Variants in KCNQ1 observed in about 807,000 individuals in gnomAD.
KCNQ1 encodes the protein potassium voltage-gated channel subfamily Q member 1.
KCNQ1 carries 49 observed loss-of-function variants against 72.4 expected under a neutral mutation model. That is an observed-to-expected ratio of 0.68 (90% CI 0.54 to 0.86). KCNQ1 has a LOEUF of 0.86. KCNQ1 is among the 40% of genes least tolerant of loss of function. KCNQ1 has a pLI of 0.00. For synonymous variants in KCNQ1, 450 were observed against 412.6 expected, an observed-to-expected ratio of 1.09 and a Z score of -1.10; for missense variants, 790 against 945.1, an observed-to-expected ratio of 0.84 and a Z score of 2.15.
At chr11:2,755,931 A>G (rs1212607705) in intron 11 of KCNQ1, among the ~76,000 whole-genome samples, 1 of 152,244 alleles carries the variant, frequency 6.6e-6, no homozygotes, top group Non-Finnish European at 1.5e-5. Context: ...TCTGCCCTTC[A>G]TGGTCGAGGA....
At chr11:2,699,203 G>A (rs919993194) in intron 11 of KCNQ1, 20 of 398,678 alleles carry the variant, frequency 5.0e-5, no homozygotes, top group African/African-American at 3.3e-4. Context: ...CTTGGGACGC[G>A]GCCAGGAACT....
intron 11 of KCNQ1, chr11:2,667,544 T>C (rs7120573): frequency 7.0e-5 from 27 of 387,510 alleles, no homozygotes; most frequent in African/African-American, 4.9e-4. Flanking sequence ...GCACTGATAT[T>C]GTCATGGAGA....
Position 2,567,644 on chromosome 11 carries a change from C to T in KCNQ1, c.478-2984C>T, listed in dbSNP as rs949680453. 6.6e-6 allele frequency among the ~76,000 whole-genome samples: 1 copy of T among 152,222 alleles called. No individual in the cohort carries two copies. The highest frequency in any genetic ancestry group is 1.5e-5 in the Non-Finnish European group (1 of 68,030). On this transcript the variant is annotated intron_variant, in intron 2 of 15. Transcript: ENST00000155840. This position sits in a 1 kb window ranked among gnomAD's most constrained non-coding sequence, Gnocchi z 6.6. Reference sequence around the variant, plus strand: ...CCTTGGCTCTTTCCTGGCCTGCTAGCAGCACCAGCCTAATTAACCTGACAA... The same window carrying T: ...CCTTGGCTCTTTCCTGGCCTGCTAGTAGCACCAGCCTAATTAACCTGACAA...
chr11:2,840,722 ATG>A lies in KCNQ1; in HGVS notation c.1795-7040_1795-7039del, dbSNP rs368705714. Among the ~76,000 whole-genome samples the A allele has an allele frequency of 5.0e-3, 760 of 152,290 alleles. 3 individuals are homozygous for A. The highest frequency in any genetic ancestry group is 0.017 in the African/African-American group (721 of 41,564). On this transcript the variant is annotated intron_variant, in intron 15 of 15. Transcript: ENST00000155840. ...GACAAATAGCACACTAGGGAAAAACATGTGTGATGTGTACTTGACATCTTTCT... is the reference window on the plus strand; with the variant it reads ...GACAAATAGCACACTAGGGAAAAACATGTGATGTGTACTTGACATCTTTCT...
At chr11:2,573,101 C>T in intron 6 of KCNQ1, 115 bp downstream of exon 6, 3 of 1,263,570 alleles carry the variant, frequency 2.4e-6, no homozygotes, top group Non-Finnish European at 3.3e-6. Flanking sequence ...TTCTCACCTG[C>T]ACGCTCACAG....
intron 15 of KCNQ1, among the ~76,000 whole-genome samples, chr11:2,814,280 GGGATGGATGGATGGAT>G (rs375570048): frequency 2.3e-4 from 32 of 138,344 alleles, no homozygotes; most frequent in African/African-American, 9.1e-4. Context: ...GATGGATGGT[GGGATGGATGGATGGAT>G]GGATGGATAG....
chr11:2,709,213 C>T (rs1163249799), intron 11 of KCNQ1, among the ~76,000 whole-genome samples: 1 of 136,122 alleles, frequency 7.3e-6, no homozygotes, highest in Admixed American at 7.9e-5. Context: ...TCCTGCACGG[C>T]TTCCAGGCCC....
At chr11:2,796,769 G>T (rs902411343) in intron 15 of KCNQ1, among the ~76,000 whole-genome samples, 1 of 152,214 alleles carries the variant, frequency 6.6e-6, no homozygotes, top group African/African-American at 2.4e-5. Context: ...GGCGGCAGCG[G>T]CTCTCGGCCT....
At position 2,565,404 on chromosome 11, in the gene KCNQ1, C is replaced by T. The variant is rs976974553; in HGVS notation, c.478-5224C>T. On this transcript the variant is annotated intron_variant, in intron 2 of 15. Coordinates refer to ENST00000155840, the MANE Select transcript of KCNQ1 (RefSeq NM_000218.3). This position sits in a 1 kb window ranked among gnomAD's most constrained non-coding sequence, Gnocchi z 5.6. ...GGGCACCTCTCCGTGTGCCTCTTGG[C>T]CATCTGTGTATCTTCTTCACAGAAA... Among the ~76,000 whole-genome samples, 9 of 152,152 alleles carry T rather than the reference C, an allele frequency of 5.9e-5. No individual in the cohort carries two copies. The highest frequency in any genetic ancestry group is 2.2e-4 in the African/African-American group (9 of 41,436).
chr11:2,780,660 G>T (rs1846807436), intron 15 of KCNQ1, among the ~76,000 whole-genome samples: 2 of 152,222 alleles, frequency 1.3e-5, no homozygotes, highest in Admixed American at 1.3e-4. Context: ...AGGTCTCCGG[G>T]ATGCACAGCT....
rs1471628241 is a variant in KCNQ1 at position 2,678,192 on chromosome 11, T to A, written c.1514+16111T>A. On this transcript the variant is annotated intron_variant, in intron 11 of 15. Coordinates refer to ENST00000155840, the MANE Select transcript of KCNQ1 (RefSeq NM_000218.3). This position sits in a 1 kb window ranked among gnomAD's most constrained non-coding sequence, Gnocchi z 4.9. ...TATTTTTCTGGTGGCAGAATTTTTTTAATTTCACATAGTCAGCTGTGTCAG... is the reference window on the plus strand; with the variant it reads ...TATTTTTCTGGTGGCAGAATTTTTTAAATTTCACATAGTCAGCTGTGTCAG... The A allele has an allele frequency of 3.0e-5, 12 of 398,292 alleles. No homozygotes were observed. In the East Asian group the frequency reaches 3.6e-4, roughly 12 times the overall value. The allele number at this position is 398,292 out of a possible 1,614,324, so 24.7% of individuals were successfully genotyped here.
chr11:2,812,075 C>T (rs1232765986), intron 15 of KCNQ1, among the ~76,000 whole-genome samples: 1 of 152,142 alleles, frequency 6.6e-6, no homozygotes, highest in African/African-American at 2.4e-5. Context: ...TAAGCCGCCG[C>T]CTCCTCAGGA....
intron 10 of KCNQ1, among the ~76,000 whole-genome samples, chr11:2,596,600 A>G (rs1481287479): frequency 6.6e-6 from 1 of 152,088 alleles, no homozygotes; most frequent in African/African-American, 2.4e-5. Context: ...AAAAAAAAAA[A>G]GAGTACATGG....
intron 1 of KCNQ1, among the ~76,000 whole-genome samples, chr11:2,459,868 G>A (rs571668712): frequency 6.6e-6 from 1 of 152,238 alleles, no homozygotes; most frequent in African/African-American, 2.4e-5. Context: ...CTGGGTCAGA[G>A]GACTGGTTTA....
In KCNQ1 at chr11:2,447,462, G is replaced by A. The variant is rs554056868; in HGVS notation, c.386+1978G>A. Among the ~76,000 whole-genome samples, 84 of 152,256 alleles carry A rather than the reference G, an allele frequency of 5.5e-4. No homozygotes were observed. Among genetic ancestry groups the A allele is most frequent in the African/African-American group, 1.9e-3 (79 of 41,540 alleles). Reference sequence around the variant, plus strand: ...CAACCCAGGTACCTCCATGTGGGGTGGGACTGGAGGTGGACCCTGACTGGG... The same window carrying A: ...CAACCCAGGTACCTCCATGTGGGGTAGGACTGGAGGTGGACCCTGACTGGG... On this transcript the variant is annotated intron_variant, in intron 1 of 15. Coordinates refer to ENST00000155840, the MANE Select transcript of KCNQ1 (RefSeq NM_000218.3). This position sits in a 1 kb window ranked among gnomAD's most constrained non-coding sequence, Gnocchi z 7.6.
intron 2 of KCNQ1, among the ~76,000 whole-genome samples, chr11:2,546,713 A>G (rs1459241610): frequency 2.0e-5 from 3 of 152,106 alleles, no homozygotes; most frequent in Non-Finnish European, 4.4e-5. Flanking sequence ...AGTTGTACAT[A>G]TTTATGGAGT....
At chr11:2,520,585 C>G (rs1028551613) in intron 1 of KCNQ1, among the ~76,000 whole-genome samples, 1 of 152,162 alleles carries the variant, frequency 6.6e-6, no homozygotes, top group East Asian at 1.9e-4. Context: ...TGGGGAACAG[C>G]CCTGGCAGGC....
chr11:2,570,568 G>A, intron 2 of KCNQ1, 60 bp from the exon 3 acceptor site: 1 of 1,603,408 alleles, frequency 6.2e-7, no homozygotes, highest in Non-Finnish European at 8.5e-7. Context: ...CAGGTTGCAG[G>A]GTCTGAAGCC....
In KCNQ1 at chr11:2,690,709, C is replaced by T. The variant is rs1003152878; in HGVS notation, c.1514+28628C>T. Reference sequence around the variant, plus strand: ...GTCTCTCAGAATTCCTGAGGGCTTTCCATTTGATCCCAGTGGTTGAAGATG... The same window carrying T: ...GTCTCTCAGAATTCCTGAGGGCTTTTCATTTGATCCCAGTGGTTGAAGATG... On this transcript the variant is annotated intron_variant, in intron 11 of 15. Coordinates refer to ENST00000155840, the MANE Select transcript of KCNQ1 (RefSeq NM_000218.3). The surrounding 1 kb of genome is among the most constrained non-coding windows in gnomAD (Gnocchi z 5.1). The T allele has an allele frequency of 2.0e-5, 8 of 398,512 alleles. No homozygotes were observed. Among genetic ancestry groups the T allele is most frequent in the Admixed American group, 4.4e-5 (1 of 22,716 alleles). The allele number at this position is 398,512 out of a possible 1,614,324, so 24.7% of individuals were successfully genotyped here.
Sources: gnomAD v4.1 joint callset for allele counts (sites outside exome capture counted in the v4.1 genomes callset) on GRCh38, gnomAD v4.1.1 for gene constraint, Gnocchi (gnomAD v3.1) non-coding constraint, MANE v1.5 for transcripts, NCBI Gene and HGNC (gene_info 2026-07-23, HGNC 2026-07-21) for gene names.